Variants in SHROOM3 observed in about 807,000 individuals in gnomAD.
SHROOM3 encodes shroom family member 3.
SHROOM3 carries 47 observed loss-of-function variants against 138.6 expected under a neutral mutation model. The observed-to-expected ratio is 0.34, with a 90% CI of 0.27 to 0.43. The LOEUF (loss-of-function observed/expected upper bound fraction) is 0.43, where lower values mean the gene tolerates loss of function less well. Among genes scored for constraint, SHROOM3 ranks in the 20% least tolerant of loss-of-function variants. SHROOM3 has a pLI of 1.00. For missense variants in SHROOM3, 2,491 were observed against 2,596.5 expected, an observed-to-expected ratio of 0.96 and a Z score of 0.88; for synonymous variants, 1,062 against 1,063.3, an observed-to-expected ratio of 1.00 and a Z score of 0.02.
chr4:76,645,706 A>T (rs1305261154), intron 2 of SHROOM3: 1 of 152,220 alleles, frequency 6.6e-6, no homozygotes, highest in Admixed American at 6.5e-5. Context: ...TAGGAAAGCC[A>T]ATACAAAGAC....
chr4:76,643,247 C>A (rs1024660973), intron 2 of SHROOM3, among the ~76,000 whole-genome samples: 3 of 149,206 alleles, frequency 2.0e-5, no homozygotes, highest in African/African-American at 7.4e-5. Flanking sequence ...TGGCTAAACT[C>A]TTTATTAGGT....
At chr4:76,766,793 A>T (rs574884667) in intron 9 of SHROOM3, among the ~76,000 whole-genome samples, 2 of 152,240 alleles carry the variant, frequency 1.3e-5, no homozygotes, top group Non-Finnish European at 2.9e-5. Context: ...CTTTTAAAAA[A>T]TTCAAATGCC....
chr4:76,768,613 C>T (rs1412506380), intron 9 of SHROOM3, among the ~76,000 whole-genome samples: 11 of 151,856 alleles, frequency 7.2e-5, no homozygotes, highest in African/African-American at 4.9e-5. Context: ...CAGGTTCAAG[C>T]GATTCTCCTG....
chr4:76,597,535 A>G (rs1734416202), intron 2 of SHROOM3, among the ~76,000 whole-genome samples: 1 of 152,024 alleles, frequency 6.6e-6, no homozygotes, highest in Non-Finnish European at 1.5e-5. Flanking sequence ...ATTCCCACGC[A>G]CCCACCCTCC....
intron 1 of SHROOM3, among the ~76,000 whole-genome samples, chr4:76,488,642 G>A (rs7654754): frequency 0.43 from 66,015 of 152,016 alleles, 15,283 homozygotes; most frequent in Non-Finnish European, 0.52. Context: ...ATTGATTCAT[G>A]GCTGAGGGTT....
Position 76,753,130 on chromosome 4 carries a change from C to T in SHROOM3, c.3828-1181C>T, listed in dbSNP as rs1033573681. On this transcript the variant is annotated intron_variant, in intron 6 of 10. Coordinates refer to ENST00000296043, the MANE Select transcript of SHROOM3 (RefSeq NM_020859.4). ...GCCACCAGGAAGTGCAGAGTGGCTACACTTCTCTATGGAGAGGTTCCTGGT... is the reference window on the plus strand; with the variant it reads ...GCCACCAGGAAGTGCAGAGTGGCTATACTTCTCTATGGAGAGGTTCCTGGT... 1.1e-4 allele frequency among the ~76,000 whole-genome samples: 17 copies of T among 152,266 alleles called. No homozygotes were observed. In the East Asian group the frequency reaches 3.3e-3, roughly 29 times the overall value.
intron 1 of SHROOM3, among the ~76,000 whole-genome samples, chr4:76,437,073 T>C (rs541525531): frequency 6.6e-6 from 1 of 152,328 alleles, no homozygotes; most frequent in Admixed American, 6.5e-5. Context: ...GCATTTGAGC[T>C]CTGTTATTGG....
intron 2 of SHROOM3, among the ~76,000 whole-genome samples, chr4:76,563,197 C>G (rs1373974536): frequency 2.0e-5 from 3 of 152,170 alleles, no homozygotes; most frequent in Non-Finnish European, 4.4e-5. Flanking sequence ...TAAGGAGCTT[C>G]TATTGTACAG....
Position 76,708,112 on chromosome 4 carries a change from C to T in SHROOM3, c.324-2044C>T, listed in dbSNP as rs1022835615. Among the ~76,000 whole-genome samples the T allele has an allele frequency of 5.3e-5, 8 of 152,230 alleles. 1 individual carries two copies. In the South Asian group the frequency reaches 1.0e-3, roughly 20 times the overall value. ...TTCAGCTGGTCCTGTAGAGGTGACA[C>T]GTAGTAGGACAACATGGTTTTGGGG... is the stretch of plus-strand genomic sequence containing the variant. On this transcript the variant is annotated intron_variant, in intron 2 of 10. Coordinates refer to ENST00000296043, the MANE Select transcript of SHROOM3 (RefSeq NM_020859.4).
intron 2 of SHROOM3, 139 bp from the exon 3 acceptor site, chr4:76,710,017 A>AGAAC: frequency 9.3e-7 from 1 of 1,076,038 alleles, no homozygotes; most frequent in Admixed American, 1.8e-5. Context: ...GTGCAGGCTT[A>AGAAC]GAACCCTGCA....
At chr4:76,689,662 C>T (rs1373596201) in intron 2 of SHROOM3, 1 of 985,312 alleles carries the variant, frequency 1.0e-6, no homozygotes, top group East Asian at 1.1e-4. Context: ...CCTGGAGCCC[C>T]GAGCAGCCCG....
At chr4:76,452,927 A>G (rs1335790725) in intron 1 of SHROOM3, among the ~76,000 whole-genome samples, 1 of 152,216 alleles carries the variant, frequency 6.6e-6, no homozygotes, top group African/African-American at 2.4e-5. Context: ...CATGTTGGCC[A>G]GGCTGGTCTC....
intron 9 of SHROOM3, among the ~76,000 whole-genome samples, chr4:76,763,727 C>T (rs954710997): frequency 2.6e-5 from 4 of 152,194 alleles, no homozygotes; most frequent in Middle Eastern, 3.4e-3. Context: ...CAATGGAGAA[C>T]CCTTTGAGAT....
At chr4:76,601,508 A>C (rs1203379776) in intron 2 of SHROOM3, among the ~76,000 whole-genome samples, 1 of 152,122 alleles carries the variant, frequency 6.6e-6, no homozygotes, top group Non-Finnish European at 1.5e-5. Flanking sequence ...ATGTAAGGAA[A>C]ATATACTCCT....
At chr4:76,747,615 T>C (rs902846969) in intron 5 of SHROOM3, among the ~76,000 whole-genome samples, 3 of 152,262 alleles carry the variant, frequency 2.0e-5, no homozygotes, top group East Asian at 3.9e-4. Context: ...CTTTACTGGG[T>C]TAGGCGCTCA....
intron 2 of SHROOM3, among the ~76,000 whole-genome samples, chr4:76,700,605 A>G (rs1719875227): frequency 2.0e-5 from 3 of 152,154 alleles, no homozygotes; most frequent in Admixed American, 6.5e-5. Flanking sequence ...TAATTCCACA[A>G]AGGGAAGGAT....
chr4:76,473,349 T>A (rs1484617571), intron 1 of SHROOM3, among the ~76,000 whole-genome samples: 2 of 152,222 alleles, frequency 1.3e-5, no homozygotes, highest in Non-Finnish European at 2.9e-5. Context: ...GGCTCATGCC[T>A]TTAATCCCAG....
At chr4:76,532,336 T>C (rs1732850091) in intron 1 of SHROOM3, 1 of 152,326 alleles carries the variant, frequency 6.6e-6, no homozygotes, top group African/African-American at 2.4e-5. Context: ...ACCAAGTTGC[T>C]CTTTAAGGCA....
intron 2 of SHROOM3, among the ~76,000 whole-genome samples, chr4:76,703,649 C>G (rs881175): frequency 0.45 from 67,688 of 151,976 alleles, 16,637 homozygotes; most frequent in East Asian, 0.77. Flanking sequence ...GACCTGCAAA[C>G]CCAGGAGAAG....
Sources: gnomAD v4.1 joint callset for allele counts (sites outside exome capture counted in the v4.1 genomes callset) on GRCh38, gnomAD v4.1.1 for gene constraint, MANE v1.5 for transcripts, NCBI Gene and HGNC (gene_info 2026-07-23, HGNC 2026-07-21) for gene names.